TLN2: variants seen among roughly 807,000 people sequenced by gnomAD.
TLN2 encodes talin 2.
Under a neutral mutation model 294.7 loss-of-function variants are expected in TLN2, and 118 were observed. The ratio of observed to expected loss-of-function variants is 0.40; its 90% CI spans 0.34 to 0.47. TLN2 has a LOEUF of 0.47. TLN2 is among the 20% of genes least tolerant of loss of function. The pLI is 0.84. For missense variants in TLN2, 3,083 were observed against 3,282.2 expected (o/e 0.94, Z 1.48); for synonymous variants, 1,431 against 1,304.5 (o/e 1.10, Z -2.09).
chr15:62,766,817 A>G (rs1474101115), intron 41 of TLN2, among the ~76,000 whole-genome samples: 1 of 152,132 alleles, frequency 6.6e-6, no homozygotes, highest in Non-Finnish European at 1.5e-5. Context: ...TTAAGGGTAC[A>G]TTATTCTTTT....
Position 62,702,121 on chromosome 15 carries a change from A to G in TLN2, c.1826A>G (p.Glu609Gly), listed in dbSNP as rs772375710. 3 of 1,613,966 alleles carry G rather than the reference A, an allele frequency of 1.9e-6. No individual in the cohort carries two copies. The highest frequency in any genetic ancestry group is 2.5e-6 in the Non-Finnish European group (3 of 1,180,036). ...ATGGATGATGAGGTGGGCAGCGGGGAGGACTTGCTCAGAGCTGCCAGGACC... is the reference window on the plus strand; with the variant it reads ...ATGGATGATGAGGTGGGCAGCGGGGGGGACTTGCTCAGAGCTGCCAGGACC... ...ALMDDEVGSG[E>G]DLLRAARTLA... Residue 609 changes from glutamate to glycine, a missense_variant, in exon 18 of 59, where the codon GAG becomes GGG. By Grantham distance (98) the Glu-to-Gly change is moderately conservative (BLOSUM62 -2). Coordinates refer to ENST00000636159, the MANE Select transcript of TLN2 (RefSeq NM_015059.3).
At chr15:62,558,803 A>G (rs190299029) in intron 1 of TLN2, among the ~76,000 whole-genome samples, 1 of 152,176 alleles carries the variant, frequency 6.6e-6, no homozygotes, top group South Asian at 2.1e-4. Flanking sequence ...TTGTTCACGT[A>G]GTTCCCTCTG....
intron 1 of TLN2, among the ~76,000 whole-genome samples, chr15:62,459,065 A>G (rs901666593): frequency 2.5e-4 from 38 of 151,966 alleles, no homozygotes; most frequent in Admixed American, 2.4e-3. Flanking sequence ...TAGTGGCGCA[A>G]TCTTGGCTCA....
In TLN2 at chr15:62,797,249, G is replaced by A. The variant is rs769329836; in HGVS notation, c.6081G>A (p.Leu2027=). 6.8e-6 allele frequency: 11 copies of A among 1,614,098 alleles called. No individual in the cohort carries two copies. The highest frequency in any genetic ancestry group is 4.5e-5 in the East Asian group (2 of 44,866). ...ACATTCTCAAGACGGCCAAGGCCTT[G>A]GTAGAAGACACGAAACTACTTGTGT... ...RENILKTAKA[L]VEDTKLLVSG... Residue 2027 remains leucine (L), a synonymous_variant, in exon 48 of 59, where the codon TTG becomes TTA. Transcript: ENST00000636159.
chr15:62,728,544 G>T (rs925271698), intron 28 of TLN2, among the ~76,000 whole-genome samples: 4 of 152,142 alleles, frequency 2.6e-5, no homozygotes, highest in African/African-American at 7.2e-5. Context: ...AGCTCCAGTT[G>T]TTCTCTATCC....
intron 2 of TLN2, among the ~76,000 whole-genome samples, chr15:62,609,769 G>A (rs986323887): frequency 6.6e-6 from 1 of 152,148 alleles, no homozygotes; most frequent in Non-Finnish European, 1.5e-5. Flanking sequence ...CTCTGGAAAG[G>A]TTATTCTCTT....
chr15:62,664,925 A>G (rs1197858787), intron 9 of TLN2, among the ~76,000 whole-genome samples: 7 of 150,632 alleles, frequency 4.6e-5, no homozygotes, highest in Admixed American at 6.6e-5. Context: ...CTAATTCTGT[A>G]ATCTCTACTT....
At chr15:62,432,465 G>A (rs1228687969) in intron 1 of TLN2, among the ~76,000 whole-genome samples, 1 of 152,114 alleles carries the variant, frequency 6.6e-6, no homozygotes, top group East Asian at 1.9e-4. Context: ...CCACTCATGA[G>A]GTTGGAGCTC....
chr15:62,404,629 C>G (rs950445283), intron 1 of TLN2, among the ~76,000 whole-genome samples: 2 of 152,132 alleles, frequency 1.3e-5, no homozygotes, highest in South Asian at 2.1e-4. Context: ...TACTTGGCAC[C>G]GCACCTAGGT....
intron 30 of TLN2, 124 bp downstream of exon 30, chr15:62,738,457 C>A: frequency 7.8e-7 from 1 of 1,276,948 alleles, no homozygotes; most frequent in Non-Finnish European, 1.0e-6. Context: ...TCCTGTTTTT[C>A]CCGCCAGTCT....
At position 62,574,579 on chromosome 15, in the gene TLN2, C is replaced by CAAAAAAAAAAAAAAAAAAAA. The variant is rs56279063; in HGVS notation, c.-237-15087_-237-15068dup. On this transcript the variant is annotated intron_variant, in intron 1 of 58. Transcript: ENST00000636159. ...TGGGCAACAGGATGAGACCCTGTCT[C>CAAAAAAAAAAAAAAAAAAAA]AAAAAAAAAAAAAAAAAAAAAAAAA... 3.2e-4 allele frequency among the ~76,000 whole-genome samples: 15 copies of CAAAAAAAAAAAAAAAAAAAA among 46,488 alleles called. 1 individual carries two copies. The highest frequency in any genetic ancestry group is 1.8e-3 in the East Asian group (2 of 1,112). The allele number at this position is 46,488 out of a possible 152,430, so 30.5% of individuals were successfully genotyped here.
chr15:62,662,243 A>C (rs1245080111), intron 9 of TLN2, among the ~76,000 whole-genome samples: 1 of 152,168 alleles, frequency 6.6e-6, no homozygotes, highest in Non-Finnish European at 1.5e-5. Flanking sequence ...AGAATGTGAT[A>C]AACTAGGAAA....
chr15:62,611,974 T>A (rs1403174437), intron 2 of TLN2, among the ~76,000 whole-genome samples: 1 of 152,198 alleles, frequency 6.6e-6, no homozygotes, highest in Non-Finnish European at 1.5e-5. Context: ...AATTACTATA[T>A]GAGAGTGTAT....
chr15:62,582,192 G>GCACACACA (rs1567138203), intron 1 of TLN2, among the ~76,000 whole-genome samples: 1 of 38,640 alleles, frequency 2.6e-5, no homozygotes, highest in African/African-American at 7.9e-5. Flanking sequence ...GCATGTGTAT[G>GCACACACA]CATACACACA....
chr15:62,542,173 AG>A (rs2140524849), intron 1 of TLN2, among the ~76,000 whole-genome samples: 1 of 151,826 alleles, frequency 6.6e-6, no homozygotes, highest in African/African-American at 2.4e-5. Flanking sequence ...CCCTTATTTG[AG>A]GGGGTTACGT....
At position 62,737,132 on chromosome 15, in the gene TLN2, C is replaced by T. The variant is rs775534282; in HGVS notation, c.3567+46C>T. On this transcript the variant is annotated intron_variant, in intron 29 of 58. Coordinates refer to ENST00000636159, the MANE Select transcript of TLN2 (RefSeq NM_015059.3). ...TTGTGGTTGTCATGGTCATCATTAA[C>T]GTGGACATGTGGTCGGGCTGTCTCC... The T allele has an allele frequency of 1.2e-5, 19 of 1,599,716 alleles. No individual in the cohort carries two copies. In the Middle Eastern group the frequency reaches 5.0e-4, roughly 42 times the overall value.
chr15:62,473,336 A>C (rs1595886732), intron 1 of TLN2, among the ~76,000 whole-genome samples: 1 of 150,788 alleles, frequency 6.6e-6, no homozygotes, highest in Non-Finnish European at 1.5e-5. Flanking sequence ...TGTCACTAAC[A>C]CAAAACTGTC....
intron 58 of TLN2, among the ~76,000 whole-genome samples, chr15:62,839,534 G>A (rs140045915): frequency 1.1e-3 from 172 of 152,360 alleles, no homozygotes; most frequent in African/African-American, 4.0e-3. Context: ...TATAAGAGCA[G>A]GTGGGATTCT....
At chr15:62,705,281 C>G (rs1473795970) in intron 19 of TLN2, among the ~76,000 whole-genome samples, 1 of 152,212 alleles carries the variant, frequency 6.6e-6, no homozygotes, top group Non-Finnish European at 1.5e-5. Context: ...GCAACCTCCT[C>G]CAGTTATGGG....
Sources: gnomAD v4.1 joint callset for allele counts (sites outside exome capture counted in the v4.1 genomes callset) on GRCh38, gnomAD v4.1.1 for gene constraint, MANE v1.5 for transcripts, NCBI Gene and HGNC (gene_info 2026-07-23, HGNC 2026-07-21) for gene names.